Variants in UGGT2 observed in about 807,000 individuals in gnomAD.
The protein encoded by UGGT2 is UDP-glucose glycoprotein glucosyltransferase 2, also known as UDP-glucose:glycoprotein glucosyltransferase 2.
In UGGT2, 180 loss-of-function variants were observed where a neutral mutation model predicts 192.1. The observed-to-expected ratio is 0.94, with a 90% confidence interval of 0.83 to 1.06. UGGT2 has a LOEUF of 1.06. Among genes scored for constraint, UGGT2 ranks in the 50% least tolerant of loss-of-function variants. The pLI, the probability that UGGT2 is intolerant of heterozygous loss-of-function variation, is 0.00. For missense variants in UGGT2, 1,849 were observed against 1,795.7 expected (o/e 1.03, Z -0.54); for synonymous variants, 580 against 591.0 (o/e 0.98, Z 0.27).
chr13:95,823,066 ATTAT>A (rs1001352586), intron 38 of UGGT2, among the ~76,000 whole-genome samples: 3 of 152,076 alleles, frequency 2.0e-5, no homozygotes, highest in African/African-American at 4.8e-5. Flanking sequence ...TCAGGAGCAG[ATTAT>A]TTAATTTCCA....
At chr13:96,012,742 A>G (rs1326178228) in intron 5 of UGGT2, among the ~76,000 whole-genome samples, 2 of 150,558 alleles carry the variant, frequency 1.3e-5, no homozygotes, top group African/African-American at 4.9e-5. Context: ...ATTCATACGC[A>G]TGTGTGTGTG....
chr13:95,966,321 G>C lies in UGGT2; in HGVS notation c.1335+3791C>G, dbSNP rs183896510. On this transcript the variant is annotated intron_variant, in intron 12 of 38. Transcript: ENST00000376747. ...AGACCAATATCCTGTGTTCTCACTCGTAAGTGGGAAATAAAAATATTGACC... is the reference window on the plus strand; with the variant it reads ...AGACCAATATCCTGTGTTCTCACTCCTAAGTGGGAAATAAAAATATTGACC... Among the ~76,000 whole-genome samples the C allele has an allele frequency of 3.3e-5, 5 of 152,090 alleles. No homozygotes were observed. In the East Asian group the frequency reaches 9.6e-4, roughly 29 times the overall value.
intron 36 of UGGT2, among the ~76,000 whole-genome samples, chr13:95,837,871 T>C (rs1348090902): frequency 2.6e-5 from 4 of 151,938 alleles, no homozygotes; most frequent in Non-Finnish European, 5.9e-5. Context: ...AGGGTACTTG[T>C]GCTGGTTGTC....
In UGGT2 at chr13:95,811,578, T is replaced by C. The variant is rs9590332; in HGVS notation, c.4529-9766A>G. On this transcript the variant is annotated intron_variant, in intron 38 of 38. Transcript: ENST00000376747. ...AACTCTATGAATATACTAAAAGCCA[T>C]TGAACTATACACTTTGAATTAGTGA... Among the ~76,000 whole-genome samples the C allele has an allele frequency of 9.4e-3, 1,428 of 152,264 alleles. 23 individuals are homozygous for C. Among genetic ancestry groups the C allele is most frequent in the African/African-American group, 0.032 (1,350 of 41,556 alleles).
intron 12 of UGGT2, among the ~76,000 whole-genome samples, chr13:95,968,680 G>T (rs1795959992): frequency 6.6e-6 from 1 of 152,122 alleles, no homozygotes. Flanking sequence ...ACAGATGTTG[G>T]CACCATGCTT....
chr13:96,052,655 A>G (rs1035154328), intron 1 of UGGT2, among the ~76,000 whole-genome samples: 1 of 152,236 alleles, frequency 6.6e-6, no homozygotes, highest in African/African-American at 2.4e-5. Flanking sequence ...GGCAAAATGC[A>G]ATAGCTACAA....
chr13:96,009,448 C>T (rs1346151556), intron 5 of UGGT2, among the ~76,000 whole-genome samples: 5 of 152,188 alleles, frequency 3.3e-5, no homozygotes, highest in African/African-American at 9.6e-5. Context: ...ATGTATCTGA[C>T]AAAGGTCTAA....
intron 8 of UGGT2, among the ~76,000 whole-genome samples, chr13:95,989,356 A>G (rs1187269936): frequency 1.3e-5 from 2 of 152,158 alleles, no homozygotes; most frequent in Non-Finnish European, 2.9e-5. Context: ...AAAGATGACA[A>G]AAGTTAGATT....
chr13:95,963,600 T>C (rs1285989355), intron 12 of UGGT2, among the ~76,000 whole-genome samples: 1 of 152,096 alleles, frequency 6.6e-6, no homozygotes, highest in African/African-American at 2.4e-5. Context: ...AGTTAAACTG[T>C]CCCTCTTTGC....
chr13:95,959,231 C>T (rs1277845959), intron 12 of UGGT2, among the ~76,000 whole-genome samples: 1 of 152,176 alleles, frequency 6.6e-6, no homozygotes, highest in Non-Finnish European at 1.5e-5. Flanking sequence ...GGACAAATTC[C>T]ATTTGCTGCA....
Position 95,905,365 on chromosome 13 carries a change from C to T in UGGT2, c.2296-2305G>A, listed in dbSNP as rs1485278507. Among the ~76,000 whole-genome samples, 15 of 151,624 alleles carry T rather than the reference C, an allele frequency of 9.9e-5. No individual in the cohort carries two copies. The East Asian group carries it at 2.9e-3, about 29-fold the overall frequency. ...CTTTTGGTGTTTTAGACATGAAGTCCTTGCCCATGCCTATGTCCTGAATGG... is the reference window on the plus strand; with the variant it reads ...CTTTTGGTGTTTTAGACATGAAGTCTTTGCCCATGCCTATGTCCTGAATGG... On this transcript the variant is annotated intron_variant, in intron 20 of 38. Transcript: ENST00000376747.
intron 14 of UGGT2, among the ~76,000 whole-genome samples, chr13:95,947,608 G>A (rs1319033742): frequency 2.0e-5 from 3 of 151,868 alleles, no homozygotes; most frequent in Non-Finnish European, 4.4e-5. Context: ...GCACCACCAC[G>A]CCTTGCTAAT....
At chr13:95,948,280 G>C (rs2049947615) in intron 13 of UGGT2, among the ~76,000 whole-genome samples, 199 bp from the exon 14 acceptor site, 1 of 150,024 alleles carries the variant, frequency 6.7e-6, no homozygotes, top group Non-Finnish European at 1.5e-5. Flanking sequence ...ATTTATGAAG[G>C]ATTTCTAAAA....
intron 15 of UGGT2, among the ~76,000 whole-genome samples, chr13:95,944,002 T>C (rs2049781026): frequency 6.6e-6 from 1 of 152,014 alleles, no homozygotes; most frequent in South Asian, 2.1e-4. Context: ...TTCAAATGTT[T>C]CTTGTGCATA....
rs187677432 is a variant in UGGT2 at position 95,947,041 on chromosome 13, A to G, written c.1673T>C (p.Val558Ala). 132 of 1,594,812 alleles carry G rather than the reference A, an allele frequency of 8.3e-5. 2 individuals carry two copies. The East Asian group carries it at 2.8e-3, about 34-fold the overall frequency. Residue 558 changes from valine (V) to alanine (A), a missense_variant, in exon 15 of 39, where the codon GTA becomes GCA. By Grantham distance (64) the Val-to-Ala change is moderately conservative. Transcript: ENST00000376747. ...ACATTTAGTGCATAAACTCACGTGT[A>G]CTATAGAAATAAATGCTTCTGATAT... ...FDISEAFISI[V>A]HMYQKVKKDQ... is the part of the protein sequence containing the mutation.
At chr13:95,820,994 A>C (rs1885453606) in intron 38 of UGGT2, among the ~76,000 whole-genome samples, 1 of 151,872 alleles carries the variant, frequency 6.6e-6, no homozygotes, top group South Asian at 2.1e-4. Context: ...TTATCTACTC[A>C]TTGGTTAAGG....
intron 1 of UGGT2, among the ~76,000 whole-genome samples, chr13:96,045,504 A>G (rs1023870926): frequency 1.9e-4 from 29 of 152,316 alleles, no homozygotes; most frequent in African/African-American, 6.3e-4. Flanking sequence ...GACAAGAGAA[A>G]GAAATAAAGG....
intron 1 of UGGT2, among the ~76,000 whole-genome samples, chr13:96,042,681 A>C (rs998994748): frequency 6.6e-6 from 1 of 152,144 alleles, no homozygotes; most frequent in African/African-American, 2.4e-5. Flanking sequence ...AAAACAATCA[A>C]AACTTCAGGA....
At chr13:95,957,716 G>T (rs1243238014) in intron 12 of UGGT2, among the ~76,000 whole-genome samples, 1 of 152,204 alleles carries the variant, frequency 6.6e-6, no homozygotes, top group African/African-American at 2.4e-5. Flanking sequence ...TTTACAAAGA[G>T]AATAGGAAGG....
Sources: gnomAD v4.1 joint callset for allele counts (sites outside exome capture counted in the v4.1 genomes callset) on GRCh38, gnomAD v4.1.1 for gene constraint, MANE v1.5 for transcripts, NCBI Gene and HGNC (gene_info 2026-07-23, HGNC 2026-07-21) for gene names.